Variants in CSMD3 observed in about 807,000 individuals in gnomAD.
CSMD3 encodes CUB and Sushi multiple domains 3, also known as CUB and sushi domain-containing protein 3.
CSMD3 carries 177 observed loss-of-function variants against 435.2 expected under a neutral mutation model. The observed-to-expected ratio is 0.41, with a 90% CI of 0.36 to 0.46. The LOEUF is 0.46. CSMD3 is among the 20% of genes least tolerant of loss of function. The pLI is 0.34. For missense variants in CSMD3, 4,265 were observed against 4,504.6 expected (o/e 0.95, Z 1.52); for synonymous variants, 1,656 against 1,520.5 (o/e 1.09, Z -2.07).
intron 63 of CSMD3, among the ~76,000 whole-genome samples, chr8:112,247,833 C>G (rs947082786): frequency 6.6e-6 from 1 of 152,002 alleles, no homozygotes; most frequent in Non-Finnish European, 1.5e-5. Flanking sequence ...TTAACAAGCC[C>G]TTTGGGTGGT....
At chr8:112,889,678 C>A (rs566743507) in intron 10 of CSMD3, among the ~76,000 whole-genome samples, 51 of 151,512 alleles carry the variant, frequency 3.4e-4, no homozygotes, top group African/African-American at 1.2e-3. Context: ...TTATGTTGGT[C>A]CTGTGAAACA....
intron 49 of CSMD3, among the ~76,000 whole-genome samples, chr8:112,311,931 A>T (rs1822012500): frequency 6.6e-6 from 1 of 152,132 alleles, no homozygotes; most frequent in Non-Finnish European, 1.5e-5. Context: ...ATAACCTGTC[A>T]TTTCTAAAGG....
intron 10 of CSMD3, among the ~76,000 whole-genome samples, chr8:112,863,442 C>G (rs1345166632): frequency 6.6e-6 from 1 of 151,712 alleles, no homozygotes; most frequent in African/African-American, 2.4e-5. Context: ...TTTATATAGA[C>G]CGTACATAAA....
Position 112,829,843 on chromosome 8 carries a change from C to A in CSMD3, c.1756-54G>T. 3 of 948,888 alleles carry A rather than the reference C, an allele frequency of 3.2e-6. No individual in the cohort carries two copies. The South Asian group carries it at 3.9e-5, about 12-fold the overall frequency. The allele number at this position is 948,888 out of a possible 1,614,324, so 58.8% of individuals were successfully genotyped here. A position where few individuals can be genotyped will look rare whatever the true frequency, so the allele number is the denominator to read the frequency against. ...AATATACTGCGTTGTGCAATAAAAA[C>A]AACAAAAAAAGCAATGACAGAAATG... is the stretch of plus-strand genomic sequence containing the variant. On this transcript the variant is annotated intron_variant, in intron 11 of 70. Transcript: ENST00000297405.
chr8:112,517,547 T>C (rs1200062050), intron 27 of CSMD3, among the ~76,000 whole-genome samples: 3 of 151,842 alleles, frequency 2.0e-5, no homozygotes, highest in Non-Finnish European at 4.4e-5. Flanking sequence ...AGCTAGAATA[T>C]ATAAACAACT....
chr8:112,244,623 A>C (rs1461057867), intron 64 of CSMD3, 50 bp from the exon 65 acceptor site: 1 of 1,481,304 alleles, frequency 6.8e-7, no homozygotes, highest in South Asian at 1.1e-5. Flanking sequence ...TATGTTAAGA[A>C]AAATTTGAGA....
intron 22 of CSMD3, among the ~76,000 whole-genome samples, chr8:112,611,853 T>A (rs189172811): frequency 1.4e-4 from 21 of 152,300 alleles, no homozygotes; most frequent in Admixed American, 1.3e-3. Context: ...GACATAAATC[T>A]AAGCATGTAA....
chr8:112,967,737 T>C (rs549668497), intron 7 of CSMD3, among the ~76,000 whole-genome samples: 14 of 151,950 alleles, frequency 9.2e-5, no homozygotes, highest in African/African-American at 2.9e-4. Context: ...CACTTGAATA[T>C]AAGTTCAATA....
At chr8:112,934,708 G>A (rs2083223351) in intron 9 of CSMD3, among the ~76,000 whole-genome samples, 1 of 152,026 alleles carries the variant, frequency 6.6e-6, no homozygotes, top group South Asian at 2.1e-4. Context: ...GAAGTGTTAG[G>A]TATTTCTTTG....
rs1418812951 is a variant in CSMD3 at position 112,829,792 on chromosome 8, A to G, written c.1756-3T>C. 1 of 1,541,780 alleles carries G rather than the reference A, an allele frequency of 6.5e-7. No individual in the cohort carries two copies. On this transcript the variant is annotated splice_polypyrimidine_tract_variant and splice_region_variant and intron_variant, in intron 11 of 70. Coordinates refer to ENST00000297405, the MANE Select transcript of CSMD3 (RefSeq NM_198123.2). ...TCTTCAAAATTTATCTGGATAACCT[A>G]GCAGTAAACAGAAACATGCACCTTA... is the stretch of plus-strand genomic sequence containing the variant.
chr8:113,241,757 G>T (rs1468039210), intron 3 of CSMD3, among the ~76,000 whole-genome samples: 1 of 151,830 alleles, frequency 6.6e-6, no homozygotes, highest in Non-Finnish European at 1.5e-5. Context: ...GGAATGAAAT[G>T]TCACTCCAAA....
chr8:112,426,313 T>G (rs1813065620), intron 32 of CSMD3, among the ~76,000 whole-genome samples: 1 of 152,100 alleles, frequency 6.6e-6, no homozygotes, highest in Non-Finnish European at 1.5e-5. Flanking sequence ...ATTGTGAACC[T>G]TCTATATTTT....
intron 10 of CSMD3, among the ~76,000 whole-genome samples, chr8:112,897,678 CTCTCTCTCTCTCTCTCTGTG>C (rs2081986174): frequency 1.5e-5 from 1 of 65,690 alleles, no homozygotes; most frequent in Non-Finnish European, 2.6e-5. Context: ...CTCTCTCTCT[CTCTCTCTCTCTCTCTCTGTG>C]TGTGTGTGTG....
intron 5 of CSMD3, among the ~76,000 whole-genome samples, chr8:113,086,516 ATATT>A (rs2131482799): frequency 1.0e-4 from 2 of 19,896 alleles, no homozygotes; most frequent in South Asian, 4.1e-3. Context: ...AATTCAAAAT[ATATT>A]CAAAATATAT....
intron 10 of CSMD3, among the ~76,000 whole-genome samples, chr8:112,883,433 T>C (rs922246196): frequency 5.9e-5 from 9 of 152,042 alleles, no homozygotes; most frequent in South Asian, 4.1e-4. Context: ...ATGATGGCAG[T>C]GAACCATTTC....
chr8:113,086,693 T>G (rs912191973), intron 5 of CSMD3, among the ~76,000 whole-genome samples: 4 of 152,198 alleles, frequency 2.6e-5, no homozygotes, highest in African/African-American at 9.6e-5. Flanking sequence ...TATGAGCATT[T>G]GCAAAAGACA....
chr8:112,577,311 G>T (rs370560149), intron 23 of CSMD3, among the ~76,000 whole-genome samples: 56 of 152,126 alleles, frequency 3.7e-4, no homozygotes, highest in African/African-American at 1.2e-3. Context: ...TTTTAAAGTG[G>T]TCATGAATAC....
chr8:112,640,166 C>T lies in CSMD3; in HGVS notation c.3311-1255G>A, dbSNP rs189466213. On this transcript the variant is annotated intron_variant, in intron 20 of 70. Coordinates refer to ENST00000297405, the MANE Select transcript of CSMD3 (RefSeq NM_198123.2). ...GTATTTAATTACACTGTCAAGAACA[C>T]ATGTAAAAGACTAATGACTTCACAC... 3.5e-4 allele frequency among the ~76,000 whole-genome samples: 53 copies of T among 152,134 alleles called. No homozygotes were observed. The East Asian group carries it at 8.9e-3, about 26-fold the overall frequency.
At chr8:112,490,233 T>G (rs190449059) in intron 31 of CSMD3, among the ~76,000 whole-genome samples, 110 of 152,282 alleles carry the variant, frequency 7.2e-4, no homozygotes, top group African/African-American at 2.4e-3. Context: ...TAATCTAGTT[T>G]TAGAGATTTA....
Sources: gnomAD v4.1 joint callset for allele counts (sites outside exome capture counted in the v4.1 genomes callset) on GRCh38, gnomAD v4.1.1 for gene constraint, MANE v1.5 for transcripts, NCBI Gene and HGNC (gene_info 2026-07-23, HGNC 2026-07-21) for gene names.